Variants in DOK6 observed in about 807,000 individuals in gnomAD.
DOK6 encodes the protein docking protein 6.
Under a neutral mutation model 44.0 loss-of-function variants are expected in DOK6, and 22 were observed. The ratio of observed to expected loss-of-function variants is 0.50; its 90% CI spans 0.36 to 0.71. The LOEUF is 0.71. Among genes scored for constraint, DOK6 ranks in the 30% least tolerant of loss-of-function variants. The probability of loss-of-function intolerance (pLI) is 0.00; values close to 1 mark genes in which losing one functional copy is unlikely to be tolerated. For synonymous variants in DOK6, 166 were observed against 145.5 expected (o/e 1.14, Z -1.01); for missense variants, 340 against 416.4 (o/e 0.82, Z 1.60).
chr18:69,726,359 T>G (rs1202495335), intron 5 of DOK6, among the ~76,000 whole-genome samples: 1 of 152,170 alleles, frequency 6.6e-6, no homozygotes, highest in Non-Finnish European at 1.5e-5. Flanking sequence ...TGTTCTTTAA[T>G]CTTTTGTTTA....
intron 1 of DOK6, among the ~76,000 whole-genome samples, chr18:69,407,335 C>A (rs1568247481): frequency 6.6e-6 from 1 of 152,108 alleles, no homozygotes; most frequent in South Asian, 2.1e-4. Flanking sequence ...TCTCTAGATT[C>A]ACATATTTTG....
At chr18:69,510,500 G>C (rs1040392628) in intron 1 of DOK6, among the ~76,000 whole-genome samples, 1 of 150,760 alleles carries the variant, frequency 6.6e-6, no homozygotes, top group African/African-American at 2.4e-5. Context: ...GAGTTTTGTT[G>C]TTTAGCTTAT....
chr18:69,476,236 A>G (rs571121301), intron 1 of DOK6, among the ~76,000 whole-genome samples: 3 of 152,312 alleles, frequency 2.0e-5, no homozygotes, highest in African/African-American at 7.2e-5. Context: ...TGAGTTTATC[A>G]TATATTATTT....
intron 1 of DOK6, among the ~76,000 whole-genome samples, chr18:69,561,570 G>A (rs940657313): frequency 1.1e-4 from 16 of 152,170 alleles, no homozygotes; most frequent in Middle Eastern, 3.4e-3. Flanking sequence ...GGAGCTTTAT[G>A]TAGAAAGAAC....
intron 3 of DOK6, among the ~76,000 whole-genome samples, chr18:69,638,488 CTT>C (rs5825959): frequency 6.7e-6 from 1 of 148,920 alleles, no homozygotes; most frequent in Non-Finnish European, 1.5e-5. Flanking sequence ...TATACTTATT[CTT>C]TTTTTTTTTG....
intron 7 of DOK6, among the ~76,000 whole-genome samples, chr18:69,789,006 A>C (rs1403262444): frequency 6.6e-6 from 1 of 152,248 alleles, no homozygotes; most frequent in African/African-American, 2.4e-5. Flanking sequence ...CTTAAAACAG[A>C]AAATTAGTGG....
intron 3 of DOK6, among the ~76,000 whole-genome samples, chr18:69,675,421 A>G (rs1985898876): frequency 6.6e-6 from 1 of 152,272 alleles, no homozygotes; most frequent in Non-Finnish European, 1.5e-5. Flanking sequence ...TTTCATCCTT[A>G]TCTGTAGAGA....
intron 7 of DOK6, among the ~76,000 whole-genome samples, chr18:69,816,484 G>A (rs968208400): frequency 6.6e-6 from 1 of 152,160 alleles, no homozygotes; most frequent in Admixed American, 6.5e-5. Flanking sequence ...GCAGTAAAGA[G>A]ACTATGTTTT....
At chr18:69,550,651 A>G (rs1982537065) in intron 1 of DOK6, among the ~76,000 whole-genome samples, 1 of 152,120 alleles carries the variant, frequency 6.6e-6, no homozygotes. Flanking sequence ...TATGAAGTGT[A>G]TGGAGAGCTA....
intron 2 of DOK6, among the ~76,000 whole-genome samples, chr18:69,580,254 T>C (rs1041738698): frequency 5.3e-5 from 8 of 152,142 alleles, no homozygotes; most frequent in African/African-American, 1.9e-4. Context: ...CTTCTGTTGT[T>C]GACAGGATTC....
In DOK6 at chr18:69,794,095, C is replaced by T. The variant is rs547860762; in HGVS notation, c.856+36222C>T. 3.9e-5 allele frequency among the ~76,000 whole-genome samples: 6 copies of T among 152,232 alleles called. No homozygotes were observed. The South Asian group carries it at 1.2e-3, about 32-fold the overall frequency. The stretch of plus-strand genomic sequence containing the variant: ...CCCAACACCCTGAATGGAAATTTTT[C>T]ATTTTGCTCAGTACATTTATGAAAT... On this transcript the variant is annotated intron_variant, in intron 7 of 7. Coordinates refer to ENST00000382713, the MANE Select transcript of DOK6 (RefSeq NM_152721.6).
At chr18:69,705,980 C>A (rs550825564) in intron 5 of DOK6, among the ~76,000 whole-genome samples, 1 of 151,984 alleles carries the variant, frequency 6.6e-6, no homozygotes, top group South Asian at 2.1e-4. Flanking sequence ...GAGAATACCA[C>A]CCTTTGATAT....
At chr18:69,585,514 G>T (rs9953093) in intron 2 of DOK6, among the ~76,000 whole-genome samples, 1 of 152,138 alleles carries the variant, frequency 6.6e-6, no homozygotes, top group Non-Finnish European at 1.5e-5. Context: ...TAGCTTAACC[G>T]TTTTTTAATT....
chr18:69,659,543 G>A (rs1460817621), intron 3 of DOK6, among the ~76,000 whole-genome samples: 1 of 152,128 alleles, frequency 6.6e-6, no homozygotes, highest in Non-Finnish European at 1.5e-5. Flanking sequence ...AATTACACAG[G>A]CTGAGATAAA....
At chr18:69,432,257 A>G (rs1388261932) in intron 1 of DOK6, among the ~76,000 whole-genome samples, 1 of 152,192 alleles carries the variant, frequency 6.6e-6, no homozygotes, top group East Asian at 1.9e-4. Context: ...AGCCTGGGCA[A>G]CATGGCAAGA....
intron 1 of DOK6, among the ~76,000 whole-genome samples, chr18:69,515,762 G>A (rs1981503609): frequency 1.3e-5 from 2 of 151,904 alleles, no homozygotes; most frequent in Admixed American, 1.3e-4. Context: ...TATTTGAGGG[G>A]GAAAAATAAG....
In DOK6 at chr18:69,698,744, A is replaced by T. The variant is rs551936387; in HGVS notation, c.599+151A>T. 17 of 675,930 alleles carry T rather than the reference A, an allele frequency of 2.5e-5. No individual in the cohort carries two copies. In the African/African-American group the frequency reaches 3.2e-4, roughly 13 times the overall value. 41.9% of individuals were successfully genotyped at this position (675,930 alleles called of 1,614,324 possible). On this transcript the variant is annotated intron_variant, in intron 5 of 7. Coordinates refer to ENST00000382713, the MANE Select transcript of DOK6 (RefSeq NM_152721.6). The stretch of plus-strand genomic sequence containing the variant: ...GTTACCAAATACATAATTTCTTCAG[A>T]TTCTTAATAACATGAATACAATTCT...
chr18:69,682,324 T>C (rs1258963288), intron 4 of DOK6, among the ~76,000 whole-genome samples: 1 of 152,184 alleles, frequency 6.6e-6, no homozygotes, highest in Admixed American at 6.5e-5. Flanking sequence ...AAAATAATGT[T>C]GTGTTACCAG....
chr18:69,806,822 A>G (rs1790953), intron 7 of DOK6, among the ~76,000 whole-genome samples: 7,939 of 152,048 alleles, frequency 0.052, 679 homozygotes, highest in African/African-American at 0.18. Context: ...TGTTACGTCT[A>G]CAAATTTCTA....
Sources: gnomAD v4.1 joint callset for allele counts (sites outside exome capture counted in the v4.1 genomes callset) on GRCh38, gnomAD v4.1.1 for gene constraint, MANE v1.5 for transcripts, NCBI Gene and HGNC (gene_info 2026-07-23, HGNC 2026-07-21) for gene names.